The following SOX5 variants were observed in gnomAD, a reference collection of about 807,000 sequenced individuals.
SOX5 encodes transcription factor SOX-5.
SOX5 carries 9 observed loss-of-function variants against 92.0 expected under a neutral mutation model. That is an observed-to-expected ratio of 0.10 (90% confidence interval 0.06 to 0.17). The LOEUF (loss-of-function observed/expected upper bound fraction) is 0.17. Ranked by LOEUF, SOX5 falls within the 10% of genes least tolerant of loss-of-function variation. The probability of loss-of-function intolerance (pLI) is 1.00; values close to 1 mark genes in which losing one functional copy is unlikely to be tolerated. For synonymous variants in SOX5, 344 were observed against 336.3 expected, an observed-to-expected ratio of 1.02 and a Z score of -0.25; for missense variants, 642 against 944.5, an observed-to-expected ratio of 0.68 and a Z score of 4.20.
intron 1 of SOX5, among the ~76,000 whole-genome samples, chr12:24,450,100 G>C (rs939301363): frequency 1.3e-5 from 2 of 152,100 alleles, no homozygotes; most frequent in Non-Finnish European, 2.9e-5. Flanking sequence ...TTATAAATAG[G>C]AATTTCCCAA....
chr12:23,685,198 G>A (rs774520530), intron 6 of SOX5, among the ~76,000 whole-genome samples: 1 of 151,960 alleles, frequency 6.6e-6, no homozygotes, highest in Non-Finnish European at 1.5e-5. Context: ...CTCTCCTGCT[G>A]TTTTTTTCTT....
At chr12:23,594,821 A>T (rs1158462545) in intron 9 of SOX5, among the ~76,000 whole-genome samples, 1 of 151,948 alleles carries the variant, frequency 6.6e-6, no homozygotes, top group African/African-American at 2.4e-5. Flanking sequence ...GAATTCACTA[A>T]TCTCATTCAC....
chr12:24,180,205 C>A (rs1320036289), intron 4 of SOX5, among the ~76,000 whole-genome samples: 2 of 152,078 alleles, frequency 1.3e-5, no homozygotes, highest in African/African-American at 4.8e-5. Context: ...CTCAAGGGAT[C>A]CTCTCGCCTT....
intron 1 of SOX5, among the ~76,000 whole-genome samples, chr12:23,928,292 T>C (rs902657421): frequency 6.6e-6 from 1 of 152,028 alleles, no homozygotes; most frequent in Non-Finnish European, 1.5e-5. Flanking sequence ...AGGGCCCTTT[T>C]GAAGCAGAAA....
intron 2 of SOX5, among the ~76,000 whole-genome samples, chr12:24,358,867 T>C (rs1190127448): frequency 6.6e-6 from 1 of 152,230 alleles, no homozygotes; most frequent in Non-Finnish European, 1.5e-5. Context: ...TGCTACTATT[T>C]ATTAAGCATT....
intron 3 of SOX5, among the ~76,000 whole-genome samples, chr12:23,759,613 T>A (rs2094508750): frequency 6.6e-6 from 1 of 152,040 alleles, no homozygotes; most frequent in Non-Finnish European, 1.5e-5. Flanking sequence ...CATGTAGCAG[T>A]GATTAAATTT....
intron 3 of SOX5, among the ~76,000 whole-genome samples, chr12:24,225,831 T>C (rs912149402): frequency 6.6e-6 from 1 of 152,194 alleles, no homozygotes; most frequent in Non-Finnish European, 1.5e-5. Context: ...AAATTATAAT[T>C]GTAAAAGTAG....
At chr12:23,569,100 G>T (rs193118331) in intron 10 of SOX5, among the ~76,000 whole-genome samples, 36 of 152,242 alleles carry the variant, frequency 2.4e-4, no homozygotes, top group Non-Finnish European at 4.7e-4. Flanking sequence ...CTGAGGCAGA[G>T]AACTGCTTGA....
intron 2 of SOX5, among the ~76,000 whole-genome samples, chr12:24,280,546 A>C (rs11831715): frequency 0.25 from 38,682 of 152,104 alleles, 5,182 homozygotes; most frequent in African/African-American, 0.33. Flanking sequence ...AAAAATTCCT[A>C]AGAGGCAGAA....
rs12580613 is a variant in SOX5 at position 23,982,123 on chromosome 12, C to G, written c.-1-86099G>C. Among the ~76,000 whole-genome samples, 160 of 152,268 alleles carry G rather than the reference C, an allele frequency of 1.1e-3. 6 individuals are homozygous for G. In the East Asian group the frequency reaches 0.03, roughly 28 times the overall value. ...ATTGGGCACGAACGAACATTTGAAC[C>G]TGAACTCCGATTCAAAGCGTCAGGA... On this transcript the variant is annotated intron_variant, in intron 4 of 4. Transcript: ENST00000446891.
chr12:24,246,598 G>A (rs552279038), intron 3 of SOX5, among the ~76,000 whole-genome samples: 29 of 152,140 alleles, frequency 1.9e-4, no homozygotes, highest in African/African-American at 6.7e-4. Flanking sequence ...ACTGGAAAGT[G>A]CTTAAAGCTT....
intron 4 of SOX5, among the ~76,000 whole-genome samples, chr12:24,119,317 T>C (rs1194471961): frequency 1.3e-5 from 2 of 152,106 alleles, no homozygotes; most frequent in Non-Finnish European, 2.9e-5. Context: ...TTTTGTATCA[T>C]TAGCACTATT....
At chr12:23,680,904 A>AT (rs34685395) in intron 6 of SOX5, among the ~76,000 whole-genome samples, 67,066 of 151,828 alleles carry the variant, frequency 0.44, 14,949 homozygotes, top group Admixed American at 0.51. Flanking sequence ...AAGGCCAGTG[A>AT]TTTTCCATAA....
At chr12:23,853,789 A>T (rs950436810) in intron 2 of SOX5, among the ~76,000 whole-genome samples, 3 of 152,118 alleles carry the variant, frequency 2.0e-5, no homozygotes, top group Non-Finnish European at 2.9e-5. Context: ...CCTGGGGATG[A>T]TATGTGCTCT....
At chr12:23,646,006 T>C (rs1310147229) in intron 7 of SOX5, among the ~76,000 whole-genome samples, 1 of 152,186 alleles carries the variant, frequency 6.6e-6, no homozygotes, top group African/African-American at 2.4e-5. Context: ...AACATATACA[T>C]ACCTTAATAA....
intron 1 of SOX5, among the ~76,000 whole-genome samples, chr12:24,558,144 A>C (rs892856277): frequency 8.5e-5 from 13 of 152,214 alleles, no homozygotes; most frequent in African/African-American, 2.9e-4. Context: ...CAGTAATATC[A>C]TCTAGTTTGA....
chr12:23,918,949 T>C (rs1158760238), intron 1 of SOX5, among the ~76,000 whole-genome samples: 1 of 146,862 alleles, frequency 6.8e-6, no homozygotes, highest in Non-Finnish European at 1.5e-5. Flanking sequence ...GAAAGAAAAA[T>C]GGCCCCCAAT....
At chr12:24,201,269 T>C (rs1957490649) in intron 4 of SOX5, among the ~76,000 whole-genome samples, 1 of 152,070 alleles carries the variant, frequency 6.6e-6, no homozygotes, top group African/African-American at 2.4e-5. Context: ...GGAAAGAAAA[T>C]TTTATATTTT....
intron 4 of SOX5, among the ~76,000 whole-genome samples, chr12:24,091,447 T>TTTTTTTA (rs71059972): frequency 7.1e-6 from 1 of 141,394 alleles, no homozygotes; most frequent in African/African-American, 2.6e-5. Flanking sequence ...TTTTTTTTTT[T>TTTTTTTA]GAGATGGAGT....
Sources: allele counts gnomAD v4.1 joint callset (sites outside exome capture counted in the v4.1 genomes callset), GRCh38; gene constraint gnomAD v4.1.1; transcripts MANE v1.5; gene names NCBI Gene and HGNC (gene_info 2026-07-23, HGNC 2026-07-21).